LIPN: variants seen among roughly 807,000 people sequenced by gnomAD.
LIPN encodes the protein lipase member N.
LIPN carries 32 observed loss-of-function variants against 43.7 expected under a neutral mutation model. The observed-to-expected ratio is 0.73, with a 90% CI of 0.55 to 0.98. The LOEUF (loss-of-function observed/expected upper bound fraction) is 0.98. Ranked by LOEUF, LIPN falls within the 50% of genes least tolerant of loss-of-function variation. The pLI is 0.00. For synonymous variants in LIPN, 156 were observed against 157.6 expected, an observed-to-expected ratio of 0.99 and a Z score of 0.08; for missense variants, 505 against 483.8, an observed-to-expected ratio of 1.04 and a Z score of -0.41.
intron 5 of LIPN, among the ~76,000 whole-genome samples, chr10:88,768,232 T>A (rs1177511088): frequency 6.6e-6 from 1 of 151,908 alleles, no homozygotes; most frequent in Non-Finnish European, 1.5e-5. Flanking sequence ...TGGGCCATCG[T>A]GGATGCTAGG....
chr10:88,769,534 G>A, intron 6 of LIPN: 1 of 818,604 alleles, frequency 1.2e-6, no homozygotes, highest in Non-Finnish European at 1.5e-6. Flanking sequence ...TTTTCTCTTT[G>A]CTTTTGTTTC....
upstream of LIPN, among the ~76,000 whole-genome samples, chr10:88,757,730 T>C (rs1401870839): frequency 6.6e-6 from 1 of 152,168 alleles, no homozygotes; most frequent in East Asian, 1.9e-4. Flanking sequence ...TCGCTTTGAG[T>C]AAAGAGATGA....
chr10:88,776,269 GAAGAA>G (rs1404600871), intron 9 of LIPN, among the ~76,000 whole-genome samples: 2 of 151,948 alleles, frequency 1.3e-5, no homozygotes, highest in Non-Finnish European at 2.9e-5. Flanking sequence ...AGAGAAGAAA[GAAGAA>G]AAGAAGTGGA....
At chr10:88,762,001 C>G (rs1326951553) in intron 2 of LIPN, among the ~76,000 whole-genome samples, 187 bp from the exon 3 acceptor site, 1 of 151,854 alleles carries the variant, frequency 6.6e-6, no homozygotes, top group African/African-American at 2.4e-5. Context: ...AAAATATTAG[C>G]CAATAGTAGA....
intron 7 of LIPN, among the ~76,000 whole-genome samples, chr10:88,773,505 G>A (rs367763435): frequency 2.6e-5 from 4 of 151,882 alleles, no homozygotes; most frequent in African/African-American, 9.7e-5. Context: ...ACAGGACAGG[G>A]TGGAAGGGAG....
intron 3 of LIPN, among the ~76,000 whole-genome samples, chr10:88,763,675 A>G (rs1843040392): frequency 6.6e-6 from 1 of 152,060 alleles, no homozygotes; most frequent in African/African-American, 2.4e-5. Flanking sequence ...TCATTAAATT[A>G]TAGTGCCTTA....
intron 7 of LIPN, 87 bp from the exon 8 acceptor site, chr10:88,774,386 T>G: frequency 3.9e-6 from 3 of 773,206 alleles, no homozygotes; most frequent in Non-Finnish European, 6.8e-6. Flanking sequence ...CAGTCTTGTT[T>G]GCTAATTCTG....
intron 2 of LIPN, among the ~76,000 whole-genome samples, chr10:88,761,783 C>T (rs57106779): frequency 0.13 from 1,864 of 14,506 alleles, 17 homozygotes; most frequent in Middle Eastern, 0.31. Context: ...ATCTATTTAT[C>T]TATCTATCTA....
intron 9 of LIPN, 24 bp from the exon 10 acceptor site, chr10:88,777,985 A>G: frequency 1.4e-6 from 2 of 1,476,480 alleles, no homozygotes; most frequent in Non-Finnish European, 1.9e-6. Flanking sequence ...CCTCTCATGA[A>G]TGCCCTTGCT....
intron 7 of LIPN, among the ~76,000 whole-genome samples, chr10:88,773,139 TA>T (rs34318851): frequency 0.2 from 29,089 of 146,708 alleles, 2,802 homozygotes; most frequent in Non-Finnish European, 0.21. Context: ...TTCATTGAAA[TA>T]AAAAAAAAAG....
chr10:88,769,023 T>C, intron 6 of LIPN, 95 bp downstream of exon 6: 2 of 1,240,616 alleles, frequency 1.6e-6, no homozygotes, highest in Non-Finnish European at 2.3e-6. Flanking sequence ...AGTAGGAAAT[T>C]TAGATAAAAT....
At chr10:88,761,705 A>G (rs1160717307) in intron 2 of LIPN, among the ~76,000 whole-genome samples, 192 bp downstream of exon 2, 1 of 151,260 alleles carries the variant, frequency 6.6e-6, no homozygotes. Context: ...TGAAAACCAA[A>G]TTGTGCTATT....
intron 8 of LIPN, 120 bp from the exon 9 acceptor site, chr10:88,774,972 T>A (rs992544528): frequency 1.2e-5 from 8 of 649,588 alleles, no homozygotes; most frequent in East Asian, 3.0e-5. Flanking sequence ...GGTGGTTACA[T>A]CCTTCTGGTG....
At chr10:88,774,614 C>A in intron 8 of LIPN, 70 bp downstream of exon 8, 2 of 1,282,486 alleles carry the variant, frequency 1.6e-6, no homozygotes, top group South Asian at 1.2e-5. Context: ...AGAATTGACC[C>A]TGTTAACAGG....
intron 8 of LIPN, 96 bp downstream of exon 8, chr10:88,774,640 T>G: frequency 1.0e-6 from 1 of 983,598 alleles, no homozygotes; most frequent in South Asian, 1.4e-5. Flanking sequence ...CCTAAGAATC[T>G]TAAGAGCTTG....
chr10:88,764,303 G>A, intron 3 of LIPN, 107 bp from the exon 4 acceptor site: 1 of 789,920 alleles, frequency 1.3e-6, no homozygotes, highest in Non-Finnish European at 2.1e-6. Context: ...GTATGTGTGT[G>A]TGTCTGTGAT....
intron 2 of LIPN, among the ~76,000 whole-genome samples, chr10:88,761,720 T>C (rs1264046647): frequency 2.3e-5 from 1 of 42,626 alleles, no homozygotes; most frequent in African/African-American, 1.3e-4. Context: ...GCTATTGTGC[T>C]ATCTATCTAT....
chr10:88,777,955 G>A lies in LIPN; in HGVS notation c.964-54G>A, dbSNP rs527341360. 4.3e-5 allele frequency: 47 copies of A among 1,096,282 alleles called. No individual in the cohort carries two copies. The Middle Eastern group carries it at 4.5e-3, about 105-fold the overall frequency. 67.9% of individuals were successfully genotyped at this position (1,096,282 alleles called of 1,614,324 possible). ...CCACATTCATTTAGCAGCCTTTGTA[G>A]TTATTGCTTTGAGGAGCTTCCTCTC... On this transcript the variant is annotated intron_variant, in intron 9 of 9. Coordinates refer to ENST00000404459, the MANE Select transcript of LIPN (RefSeq NM_001102469.2).
chr10:88,761,656 A>G (rs1842999196), intron 2 of LIPN, 143 bp downstream of exon 2: 1 of 599,178 alleles, frequency 1.7e-6, no homozygotes, highest in African/African-American at 1.9e-5. Context: ...GAGTCAAGCT[A>G]GTTAGATCTT....
Sources: gnomAD v4.1 joint callset for allele counts (sites outside exome capture counted in the v4.1 genomes callset) on GRCh38, gnomAD v4.1.1 for gene constraint, MANE v1.5 for transcripts, NCBI Gene and HGNC (gene_info 2026-07-23, HGNC 2026-07-21) for gene names.